RARB: variants seen among roughly 807,000 people sequenced by gnomAD.
RARB encodes HBV-activated protein.
RARB carries 17 observed loss-of-function variants against 51.9 expected under a neutral mutation model. The ratio of observed to expected loss-of-function variants is 0.33; its 90% CI spans 0.22 to 0.49. The LOEUF (loss-of-function observed/expected upper bound fraction) is 0.49, where lower values mean the gene tolerates loss of function less well. RARB is among the 20% of genes least tolerant of loss of function. RARB has a pLI of 0.99. For missense variants in RARB, 369 were observed against 550.8 expected (o/e 0.67, Z 3.30); for synonymous variants, 215 against 195.4 (o/e 1.10, Z -0.84).
chr3:25,314,493 C>G (rs78998540), intron 5 of RARB, among the ~76,000 whole-genome samples: 10,250 of 152,166 alleles, frequency 0.067, 400 homozygotes, highest in African/African-American at 0.1. Flanking sequence ...TCTTGTGTTG[C>G]AACCAATGAG....
intron 5 of RARB, among the ~76,000 whole-genome samples, chr3:25,255,002 T>C (rs1195573286): frequency 6.6e-6 from 1 of 152,158 alleles, no homozygotes; most frequent in Admixed American, 6.6e-5. Context: ...TCTCAAAAAA[T>C]ATTAGCATTC....
intron 5 of RARB, among the ~76,000 whole-genome samples, chr3:25,220,611 T>C (rs905661355): frequency 2.0e-5 from 3 of 152,178 alleles, no homozygotes; most frequent in African/African-American, 7.2e-5. Flanking sequence ...ATTTTATAAA[T>C]GTTTGGTAGT....
At chr3:24,935,667 C>T (rs1324762162) in intron 2 of RARB, among the ~76,000 whole-genome samples, 7 of 152,094 alleles carry the variant, frequency 4.6e-5, no homozygotes, top group African/African-American at 9.7e-5. Flanking sequence ...TAGAGTAAGA[C>T]GACTTATGAT....
At chr3:25,289,699 A>G (rs1370599686) in intron 5 of RARB, among the ~76,000 whole-genome samples, 1 of 152,216 alleles carries the variant, frequency 6.6e-6, no homozygotes, top group Admixed American at 6.5e-5. Flanking sequence ...TGTATTAACA[A>G]ATGTTTATAG....
chr3:25,362,066 G>C (rs1705956371), intron 5 of RARB, among the ~76,000 whole-genome samples: 1 of 152,196 alleles, frequency 6.6e-6, no homozygotes, highest in Non-Finnish European at 1.5e-5. Flanking sequence ...TAAGTCTGCT[G>C]AAGCTGCACC....
intron 5 of RARB, among the ~76,000 whole-genome samples, chr3:25,214,785 A>G (rs1319002851): frequency 6.6e-6 from 1 of 152,172 alleles, no homozygotes; most frequent in Non-Finnish European, 1.5e-5. Flanking sequence ...AAAGGATAAC[A>G]TTGCTGTTCC....
At chr3:24,998,477 T>C (rs192096534) in intron 2 of RARB, among the ~76,000 whole-genome samples, 171 of 152,062 alleles carry the variant, frequency 1.1e-3, no homozygotes, top group Non-Finnish European at 1.6e-3. Flanking sequence ...CTGACAGAAA[T>C]GTTCCTTGCT....
intron 5 of RARB, among the ~76,000 whole-genome samples, chr3:25,378,795 T>C (rs1420236612): frequency 6.6e-6 from 1 of 152,232 alleles, no homozygotes; most frequent in Non-Finnish European, 1.5e-5. Flanking sequence ...TGTAAAATAC[T>C]GATAAGAATG....
At chr3:25,406,858 G>GA (rs1707423733) in intron 5 of RARB, among the ~76,000 whole-genome samples, 2 of 152,094 alleles carry the variant, frequency 1.3e-5, no homozygotes, top group Non-Finnish European at 2.9e-5. Flanking sequence ...AACCCAGGGT[G>GA]AAAAAAATTG....
At chr3:25,527,235 G>A (rs753550732) in intron 3 of RARB, among the ~76,000 whole-genome samples, 1 of 152,204 alleles carries the variant, frequency 6.6e-6, no homozygotes, top group Non-Finnish European at 1.5e-5. Context: ...GCTTAGAGCA[G>A]TGATCAGCAA....
chr3:24,984,835 C>G (rs956934161), intron 2 of RARB, among the ~76,000 whole-genome samples: 1 of 152,192 alleles, frequency 6.6e-6, no homozygotes, highest in African/African-American at 2.4e-5. Context: ...AGCAAAACAT[C>G]ATGTTGTACA....
At chr3:25,000,444 C>A (rs1477176657) in intron 2 of RARB, among the ~76,000 whole-genome samples, 1 of 152,136 alleles carries the variant, frequency 6.6e-6, no homozygotes, top group Non-Finnish European at 1.5e-5. Context: ...GAGAGAAATC[C>A]TCTTTTTTGC....
At chr3:25,467,661 A>G (rs1695497474) in intron 2 of RARB, among the ~76,000 whole-genome samples, 5 of 152,246 alleles carry the variant, frequency 3.3e-5, no homozygotes, top group Admixed American at 2.6e-4. Flanking sequence ...TCACCTCCTA[A>G]GGGGAGAAGT....
intron 5 of RARB, among the ~76,000 whole-genome samples, chr3:25,280,330 G>GT (rs1462968413): frequency 1.3e-5 from 2 of 152,156 alleles, no homozygotes; most frequent in African/African-American, 2.4e-5. Context: ...TCAAATGAGG[G>GT]TTTTTTAACC....
At chr3:24,829,340 G>C (rs1265253317) in exon 1 of RARB, among the ~76,000 whole-genome samples, 1 of 152,072 alleles carries the variant, frequency 6.6e-6, no homozygotes, top group South Asian at 2.1e-4. Flanking sequence ...CAGCGGCGGC[G>C]GCAGGGGCTG....
chr3:25,273,306 T>A (rs142250439), intron 5 of RARB, among the ~76,000 whole-genome samples: 1 of 152,340 alleles, frequency 6.6e-6, no homozygotes, highest in Non-Finnish European at 1.5e-5. Flanking sequence ...ATCTCAAGTC[T>A]TTTGAGCTGC....
intron 3 of RARB, among the ~76,000 whole-genome samples, chr3:25,513,615 T>G (rs1303629): frequency 0.41 from 62,574 of 151,322 alleles, 18,653 homozygotes; most frequent in African/African-American, 0.84. Flanking sequence ...GTAAACAGAT[T>G]AAGCTTGTAA....
chr3:25,238,310 C>T (rs1702351799), intron 5 of RARB, among the ~76,000 whole-genome samples: 1 of 152,056 alleles, frequency 6.6e-6, no homozygotes, highest in African/African-American at 2.4e-5. Flanking sequence ...CAATTCCATC[C>T]ACGTTGTTAA....
intron 2 of RARB, among the ~76,000 whole-genome samples, chr3:24,895,198 G>T (rs1456670760): frequency 6.6e-6 from 1 of 152,126 alleles, no homozygotes; most frequent in Non-Finnish European, 1.5e-5. Flanking sequence ...CTGAAGCTCA[G>T]AATTCCATGG....
Sources: gnomAD v4.1 joint callset for allele counts (sites outside exome capture counted in the v4.1 genomes callset) on GRCh38, gnomAD v4.1.1 for gene constraint, MANE v1.5 for transcripts, NCBI Gene and HGNC (gene_info 2026-07-23, HGNC 2026-07-21) for gene names.